The following ITPKB variants were observed in gnomAD, a reference collection of about 807,000 sequenced individuals.
ITPKB encodes inositol-trisphosphate 3-kinase B, also known as IP3 3-kinase B.
In ITPKB, 13 loss-of-function variants were observed where a neutral mutation model predicts 69.4. The observed-to-expected ratio is 0.19, with a 90% confidence interval of 0.12 to 0.30. The LOEUF (loss-of-function observed/expected upper bound fraction) is 0.30, where lower values mean the gene tolerates loss of function less well. Among genes scored for constraint, ITPKB ranks in the 10% least tolerant of loss-of-function variants. ITPKB has a pLI of 1.00. For synonymous variants in ITPKB, 584 were observed against 513.7 expected (o/e 1.14, Z -1.85); for missense variants, 1,240 against 1,250.5 (o/e 0.99, Z 0.13).
intron 2 of ITPKB, among the ~76,000 whole-genome samples, chr1:226,709,904 T>TCATTTCTTGCAACCTTG (rs1458544854): frequency 6.6e-6 from 1 of 152,184 alleles, no homozygotes; most frequent in Non-Finnish European, 1.5e-5. Flanking sequence ...GAGCAGAGCC[T>TCATTTCTTGCAACCTTG]CATTTCTTGC....
intron 2 of ITPKB, among the ~76,000 whole-genome samples, chr1:226,719,833 T>G (rs1657189417): frequency 6.6e-6 from 1 of 152,226 alleles, no homozygotes; most frequent in African/African-American, 2.4e-5. Context: ...GCTCTGTATC[T>G]GCTGAAACCC....
At chr1:226,725,953 C>T (rs1445316674) in intron 2 of ITPKB, among the ~76,000 whole-genome samples, 2 of 152,206 alleles carry the variant, frequency 1.3e-5, no homozygotes, top group Non-Finnish European at 2.9e-5. Context: ...TTTCAAGCAA[C>T]AAGGTCAGAA....
chr1:226,660,412 G>T (rs1204609631), intron 2 of ITPKB, among the ~76,000 whole-genome samples: 1 of 152,040 alleles, frequency 6.6e-6, no homozygotes, highest in Non-Finnish European at 1.5e-5. Flanking sequence ...TCTTTTTTTG[G>T]TTACTCAAGA....
At position 226,649,162 on chromosome 1, in the gene ITPKB, T is replaced by C. The variant is rs147948100; in HGVS notation, c.1933-391A>G. 9.0e-3 allele frequency among the ~76,000 whole-genome samples: 1,377 copies of C among 152,328 alleles called. 25 individuals are homozygous for C. Among genetic ancestry groups the C allele is most frequent in the African/African-American group, 0.032 (1,314 of 41,578 alleles). On this transcript the variant is annotated intron_variant, in intron 2 of 7. Transcript: ENST00000429204. ...TAAAGAAATTCCTCAGAACAGAACCTGCACCGATGGCTTCAGGTCACACAG... is the reference window on the plus strand; with the variant it reads ...TAAAGAAATTCCTCAGAACAGAACCCGCACCGATGGCTTCAGGTCACACAG...
intron 5 of ITPKB, among the ~76,000 whole-genome samples, chr1:226,640,516 G>A (rs536977330): frequency 2.0e-5 from 3 of 152,312 alleles, no homozygotes; most frequent in Admixed American, 2.0e-4. Flanking sequence ...GAGCCTCTTA[G>A]CTAAGGGCGG....
intron 2 of ITPKB, among the ~76,000 whole-genome samples, chr1:226,734,820 T>C (rs760244989): frequency 4.6e-5 from 7 of 152,130 alleles, no homozygotes; most frequent in Non-Finnish European, 1.0e-4. Context: ...CATTAGGAGG[T>C]ACCTACTCCG....
intron 2 of ITPKB, among the ~76,000 whole-genome samples, chr1:226,684,163 G>T (rs988986558): frequency 4.6e-5 from 7 of 152,008 alleles, no homozygotes; most frequent in African/African-American, 1.5e-4. Context: ...CTGACGTTGG[G>T]GCCATTAGGA....
rs1262191309 is a variant in ITPKB at position 226,736,085 on chromosome 1, T to C, written c.1374A>G (p.Ser458=). 6.2e-7 allele frequency: 1 copy of C among 1,610,858 alleles called. No individual in the cohort carries two copies. Among genetic ancestry groups the C allele is most frequent in the Non-Finnish European group, 8.5e-7 (1 of 1,178,478 alleles). ...CCACATTCCCGGTCCCCGGCTGTGC[T>C]GAGGGGCTGCCCCCAAGCAAGCCCA... ...PTLGLLGGSP[S]AQPGTGNVEA... The change falls in exon 2 of 8, where the codon TCA becomes TCG. Residue 458 remains serine, a synonymous_variant. Transcript: ENST00000429204.
In ITPKB at chr1:226,737,058, A is replaced by C; in HGVS notation, c.401T>G (p.Leu134Trp). Residue 134 changes from leucine (L) to tryptophan (W), a missense_variant, in exon 2 of 8, where the codon TTG becomes TGG. Transcript: ENST00000429204. The stretch of plus-strand genomic sequence containing the variant: ...CTGCACGTTCTGCAACTCGCGCTGC[A>C]AGATCCGCAGCTTCCTCTTGGCCTC... ...PEEAKRKLRI[L>W]QRELQNVQVN... is the part of the protein sequence containing the mutation. 1 of 1,611,760 alleles carries C rather than the reference A, an allele frequency of 6.2e-7. No individual in the cohort carries two copies. The highest frequency in any genetic ancestry group is 8.5e-7 in the Non-Finnish European group (1 of 1,179,932).
rs1668795696 is a variant in ITPKB at position 226,634,848 on chromosome 1, C to T, written c.2664G>A (p.Lys888=). The stretch of plus-strand genomic sequence containing the variant: ...CGATCATCCACACTTTGGCCTGTTC[C>T]TTCTTGTCGTGGATGAAGAGGAGGG... ...GSSLLFIHDK[K]EQAKVWMIDF... is the part of the protein sequence containing the mutation. The change falls in exon 8 of 8, where the codon AAG becomes AAA. Residue 888 remains lysine, a synonymous_variant. Coordinates refer to ENST00000429204, the MANE Select transcript of ITPKB (RefSeq NM_002221.4). The surrounding 1 kb of genome is among the most constrained non-coding windows in gnomAD (Gnocchi z 6.3). 2 of 1,613,920 alleles carry T rather than the reference C, an allele frequency of 1.2e-6. No homozygotes were observed. The highest frequency in any genetic ancestry group is 1.7e-5 in the Admixed American group (1 of 59,978).
At chr1:226,703,608 G>A (rs1656729709) in intron 2 of ITPKB, among the ~76,000 whole-genome samples, 1 of 152,230 alleles carries the variant, frequency 6.6e-6, no homozygotes, top group Non-Finnish European at 1.5e-5. Flanking sequence ...GGCGGTGCCG[G>A]TCACGTGACG....
At chr1:226,678,815 AAGG>A (rs1655990158) in intron 2 of ITPKB, among the ~76,000 whole-genome samples, 2 of 152,210 alleles carry the variant, frequency 1.3e-5, no homozygotes, top group African/African-American at 4.8e-5. Context: ...TGCTGTCAGG[AAGG>A]AGGTTTCCTG....
At chr1:226,667,826 A>G (rs889358328) in intron 2 of ITPKB, among the ~76,000 whole-genome samples, 9 of 148,386 alleles carry the variant, frequency 6.1e-5, no homozygotes, top group South Asian at 2.1e-4. Context: ...GATGAGGAAA[A>G]TGTGTGTGTG....
rs986359441 is a variant in ITPKB at position 226,637,118 on chromosome 1, G to C, written c.2625+561C>G. On this transcript the variant is annotated intron_variant, in intron 7 of 7. Transcript: ENST00000429204. This position sits in a 1 kb window ranked among gnomAD's most constrained non-coding sequence, Gnocchi z 4.3. ...AATGTGTCATGTGGCTGGGGACCTG[G>C]ACTCCCCATGTCAGGGTCTCACACC... is the stretch of plus-strand genomic sequence containing the variant. 6.6e-6 allele frequency among the ~76,000 whole-genome samples: 1 copy of C among 152,210 alleles called. No homozygotes were observed. The highest frequency in any genetic ancestry group is 3.4e-3 in the Middle Eastern group (1 of 294).
chr1:226,701,341 A>G (rs1044350622), intron 2 of ITPKB, among the ~76,000 whole-genome samples: 2 of 152,144 alleles, frequency 1.3e-5, no homozygotes, highest in Admixed American at 1.3e-4. Flanking sequence ...GCGGTGGCTC[A>G]CGCCTGTAAT....
intron 2 of ITPKB, among the ~76,000 whole-genome samples, chr1:226,665,961 C>T (rs1053226775): frequency 6.6e-6 from 1 of 152,154 alleles, no homozygotes; most frequent in Non-Finnish European, 1.5e-5. Context: ...GGCACTGTGG[C>T]CTCTGGGGAT....
At chr1:226,635,652 C>T (rs1668821215) in intron 7 of ITPKB, among the ~76,000 whole-genome samples, 2 of 152,222 alleles carry the variant, frequency 1.3e-5, no homozygotes, top group African/African-American at 4.8e-5. Flanking sequence ...CAGGAGCGTC[C>T]AAACTATCCC....
rs1668969220 is a variant in ITPKB at position 226,641,875 on chromosome 1, G to A, written c.2451+46C>T. The stretch of plus-strand genomic sequence containing the variant: ...GCTGAGAGAAGCCAAGCCCCCTGAG[G>A]TGGGCACGGGTGGGGCCCGAGGCTG... On this transcript the variant is annotated intron_variant, in intron 5 of 7. Transcript: ENST00000429204. The surrounding 1 kb of genome is among the most constrained non-coding windows in gnomAD (Gnocchi z 4.6). 4.5e-6 allele frequency: 7 copies of A among 1,555,242 alleles called. No individual in the cohort carries two copies. Among genetic ancestry groups the A allele is most frequent in the Middle Eastern group, 2.2e-4 (1 of 4,644 alleles).
Position 226,658,779 on chromosome 1 carries a change from A to G in ITPKB, c.1933-10008T>C, listed in dbSNP as rs193206410. 4.4e-3 allele frequency among the ~76,000 whole-genome samples: 675 copies of G among 152,050 alleles called. 7 individuals carry two copies. The highest frequency in any genetic ancestry group is 0.015 in the African/African-American group (624 of 41,462). ...CATGAGCGTAGGGTAGGGATTACTGAGCGCTGTCGGGTTGGTGAAGTCCCT... is the reference window on the plus strand; with the variant it reads ...CATGAGCGTAGGGTAGGGATTACTGGGCGCTGTCGGGTTGGTGAAGTCCCT... On this transcript the variant is annotated intron_variant, in intron 2 of 7. Coordinates refer to ENST00000429204, the MANE Select transcript of ITPKB (RefSeq NM_002221.4).
Sources: gnomAD v4.1 joint callset for allele counts (sites outside exome capture counted in the v4.1 genomes callset) on GRCh38, gnomAD v4.1.1 for gene constraint, Gnocchi (gnomAD v3.1) non-coding constraint, MANE v1.5 for transcripts, NCBI Gene and HGNC (gene_info 2026-07-23, HGNC 2026-07-21) for gene names.